The following ZNF550 variants were observed in gnomAD, a reference collection of about 807,000 sequenced individuals.
ZNF550 encodes the protein zinc finger protein 550.
Under a neutral mutation model 40.2 loss-of-function variants are expected in ZNF550, and 42 were observed. That is an observed-to-expected ratio of 1.05 (90% confidence interval 0.82 to 1.35). The LOEUF (loss-of-function observed/expected upper bound fraction) is 1.35. Among genes scored for constraint, ZNF550 ranks in the 40% most tolerant of loss-of-function variants. The pLI, the probability that ZNF550 is intolerant of heterozygous loss-of-function variation, is 0.00. For synonymous variants in ZNF550, 223 were observed against 198.6 expected (o/e 1.12, Z -1.03); for missense variants, 549 against 525.2 (o/e 1.05, Z -0.44).
intron 3 of ZNF550, among the ~76,000 whole-genome samples, chr19:57,551,378 A>T (rs911569000): frequency 6.6e-6 from 1 of 152,144 alleles, no homozygotes; most frequent in African/African-American, 2.4e-5. Flanking sequence ...GAGACCTGTC[A>T]GGAGCCTCTG....
rs757458547 is a variant in ZNF550 at position 57,547,148 on chromosome 19, T to C, written c.1096A>G (p.Thr366Ala). The C allele has an allele frequency of 6.2e-6, 10 of 1,611,156 alleles. No homozygotes were observed. In the South Asian group the frequency reaches 1.1e-4, roughly 18 times the overall value. Reference sequence around the variant, plus strand: ...GTGCATTCATAGGGCTTCTCCCCAGTGTGAATCCGCTGGTGCTGTATGAGT... The same window carrying C: ...GTGCATTCATAGGGCTTCTCCCCAGCGTGAATCCGCTGGTGCTGTATGAGT... The change falls in exon 4 of 5, where the codon ACT becomes GCT. Residue 366 changes from threonine (T) to alanine (A), a missense_variant. Coordinates refer to ENST00000457177, the Ensembl canonical transcript of ZNF550.
chr19:57,544,347 A>T, intron 4 of ZNF550: 1 of 985,334 alleles, frequency 1.0e-6, no homozygotes, highest in East Asian at 1.1e-4. Context: ...ATCCCATGGA[A>T]AACACTCCTG....
chr19:57,542,634 CAT>C (rs1311768464), exon 5 of ZNF550: 1 of 151,934 alleles, frequency 6.6e-6, no homozygotes, highest in Non-Finnish European at 1.5e-5. Flanking sequence ...TACAATAAAA[CAT>C]AATTTAAAAA....
chr19:57,558,364 A>T (rs1404952141), intron 1 of ZNF550, among the ~76,000 whole-genome samples: 3 of 152,260 alleles, frequency 2.0e-5, no homozygotes, highest in Non-Finnish European at 4.4e-5. Flanking sequence ...TCAAAAGGGC[A>T]AACCAAGTAC....
In ZNF550 at chr19:57,555,975, C is replaced by G. The variant is rs1351522362; in HGVS notation, c.154+256G>C. The G allele has an allele frequency of 1.1e-5, 5 of 442,060 alleles. No individual in the cohort carries two copies. In the Admixed American group the frequency reaches 1.7e-4, roughly 15 times the overall value. The allele number at this position is 442,060 out of a possible 1,614,324, so 27.4% of individuals were successfully genotyped here. On this transcript the variant is annotated intron_variant, in intron 2 of 4. Coordinates refer to ENST00000457177, the Ensembl canonical transcript of ZNF550. Reference sequence around the variant, plus strand: ...GGGCTGTGGCCACAGCTGACCCCACCAGGATGGCCAATCAGCTTCCTTCTT... The same window carrying G: ...GGGCTGTGGCCACAGCTGACCCCACGAGGATGGCCAATCAGCTTCCTTCTT...
At chr19:57,546,409 A>C in intron 4 of ZNF550, 1 of 892,870 alleles carries the variant, frequency 1.1e-6, no homozygotes, top group African/African-American at 1.8e-5. Flanking sequence ...CCAAAAAATA[A>C]AACTGATCTT....
At chr19:57,546,451 A>C in intron 4 of ZNF550, 2 of 984,432 alleles carry the variant, frequency 2.0e-6, no homozygotes, top group Non-Finnish European at 2.4e-6. Context: ...TAAAGCAAGA[A>C]GATACCTGTA....
At chr19:57,548,903 A>G (rs1279447311) in intron 3 of ZNF550, among the ~76,000 whole-genome samples, 1 of 152,204 alleles carries the variant, frequency 6.6e-6, no homozygotes, top group Admixed American at 6.5e-5. Flanking sequence ...GCCATAAAAA[A>G]GGAGATCCTA....
rs527721342 is a variant in ZNF550 at position 57,543,458 on chromosome 19, G to A, written c.*519-215C>T. ...TTCGTCTTTGCATGACCGACTTGCC[G>A]AGTTAATTTACCGTCCACATTTCCT... is the stretch of plus-strand genomic sequence containing the variant. On this transcript the variant is annotated intron_variant, in intron 4 of 4. Transcript: ENST00000457177. 2.2e-4 allele frequency: 75 copies of A among 339,502 alleles called. No individual in the cohort carries two copies. In the South Asian group the frequency reaches 7.9e-3, roughly 36 times the overall value. The allele number at this position is 339,502 out of a possible 1,614,324, so 21.0% of individuals were successfully genotyped here.
chr19:57,560,435 G>A (rs2090159653), upstream of ZNF550, among the ~76,000 whole-genome samples: 1 of 152,182 alleles, frequency 6.6e-6, no homozygotes, highest in African/African-American at 2.4e-5. Context: ...CCAGCTTCGT[G>A]ACACCATCGT....
rs560189700 is a variant in ZNF550, at chr19:57,543,348, A to G, written c.*519-105T>C. On this transcript the variant is annotated intron_variant, in intron 4 of 4. Coordinates refer to ENST00000457177, the Ensembl canonical transcript of ZNF550. ...TCTACCCCATCCCTTCCCTCCCTCT[A>G]CACCCAAGGAGCAAATACCATTTAA... The G allele has an allele frequency of 1.8e-5, 5 of 282,866 alleles. No individual in the cohort carries two copies. The East Asian group carries it at 7.0e-4, about 40-fold the overall frequency. The allele number at this position is 282,866 out of a possible 1,614,324, so 17.5% of individuals were successfully genotyped here. A position where few individuals can be genotyped will look rare whatever the true frequency, so the allele number is the denominator to read the frequency against.
chr19:57,546,606 C>A, exon 4 of ZNF550: 1 of 1,014,412 alleles, frequency 9.9e-7, no homozygotes, highest in Non-Finnish European at 1.2e-6. Flanking sequence ...CATTATGATT[C>A]TCAGATAGTA....
At chr19:57,549,731 A>G (rs2123350132) in intron 3 of ZNF550, among the ~76,000 whole-genome samples, 1 of 152,360 alleles carries the variant, frequency 6.6e-6, no homozygotes, top group African/African-American at 2.4e-5. Context: ...CAAGAAAATG[A>G]AGATTCCAGC....
intron 4 of ZNF550, chr19:57,543,445 T>C: frequency 3.4e-6 from 1 of 295,936 alleles, no homozygotes; most frequent in Non-Finnish European, 5.0e-6. Flanking sequence ...CGTCTTTGCA[T>C]GACCGACTTG....
intron 4 of ZNF550, among the ~76,000 whole-genome samples, chr19:57,545,457 TA>T (rs2090000107): frequency 1.3e-5 from 2 of 152,108 alleles, no homozygotes; most frequent in South Asian, 4.1e-4. Flanking sequence ...AAGAATCTGA[TA>T]AACACCAGAA....
exon 4 of ZNF550, chr19:57,547,329 A>G (rs1277207252): frequency 1.2e-6 from 2 of 1,614,052 alleles, no homozygotes; most frequent in Non-Finnish European, 1.7e-6. Flanking sequence ...GGGTCCTATT[A>G]TGGCGAATAA....
At position 57,548,196 on chromosome 19, in the gene ZNF550, G is replaced by T. The variant is rs143945059; in HGVS notation, c.251-203C>A. Among the ~76,000 whole-genome samples the T allele has an allele frequency of 9.2e-3, 1,401 of 152,280 alleles. 7 individuals are homozygous for T. The highest frequency in any genetic ancestry group is 0.013 in the Non-Finnish European group (881 of 68,018). On this transcript the variant is annotated intron_variant, in intron 3 of 4. Transcript: ENST00000457177. The stretch of plus-strand genomic sequence containing the variant: ...ATTAAAGGGAAAATCTGGAGGGCAG[G>T]CTGGACCGGGGGACAGAGGATCCGG...
Position 57,547,356 on chromosome 19 carries a change from G to GAATAA in ZNF550, c.887_888insTTATT (p.Thr297TyrfsTer36), listed in dbSNP as rs762522853. ...GGCGAATAAAAGTAGACCGGTGGGT[G>GAATAA]AAGGCCTTTCGACATTGACTACACT... On this transcript the variant is annotated frameshift_variant, in exon 4 of 5. Coordinates refer to ENST00000457177, the Ensembl canonical transcript of ZNF550. LOFTEE classifies it high-confidence loss of function. 1 of 1,612,902 alleles carries GAATAA rather than the reference G, an allele frequency of 6.2e-7. No individual in the cohort carries two copies. Among genetic ancestry groups the GAATAA allele is most frequent in the Admixed American group, 1.7e-5 (1 of 59,972 alleles).
intron 2 of ZNF550, chr19:57,553,344 C>G (rs775709966): frequency 6.6e-6 from 1 of 152,240 alleles, no homozygotes; most frequent in Admixed American, 6.5e-5. Context: ...TGGAAGCCAA[C>G]GTTGTTCAGG....
Sources: allele counts gnomAD v4.1 joint callset (sites outside exome capture counted in the v4.1 genomes callset), GRCh38; gene constraint gnomAD v4.1.1; transcripts MANE v1.5; gene names NCBI Gene and HGNC (gene_info 2026-07-23, HGNC 2026-07-21).